SMC6: variants seen among roughly 807,000 people sequenced by gnomAD.
SMC6 encodes the protein structural maintenance of chromosomes protein 6.
A neutral mutation model predicts 142.2 loss-of-function variants in SMC6; 79 were observed. The observed-to-expected ratio is 0.56, with a 90% CI of 0.46 to 0.67. The LOEUF (loss-of-function observed/expected upper bound fraction) is 0.67, where lower values mean the gene tolerates loss of function less well. Ranked by LOEUF, SMC6 falls within the 30% of genes least tolerant of loss-of-function variation. The pLI, the probability that SMC6 is intolerant of heterozygous loss-of-function variation, is 0.00. For missense variants in SMC6, 1,072 were observed against 1,284.0 expected (o/e 0.83, Z 2.52); for synonymous variants, 411 against 412.4 (o/e 1.00, Z 0.04).
chr2:17,679,028 C>A (rs1667126750), intron 24 of SMC6, 64 bp from the exon 25 acceptor site: 1 of 1,116,426 alleles, frequency 9.0e-7, no homozygotes, highest in South Asian at 1.4e-5. Flanking sequence ...CTATATTCAG[C>A]ATGATCTAAG....
At chr2:17,725,702 T>C (rs1669581726) in intron 8 of SMC6, among the ~76,000 whole-genome samples, 1 of 152,188 alleles carries the variant, frequency 6.6e-6, no homozygotes, top group Non-Finnish European at 1.5e-5. Flanking sequence ...ACATCTTAAA[T>C]TTTTAGAGTA....
At chr2:17,716,927 T>C (rs1223790736) in intron 13 of SMC6, 22 bp from the exon 14 acceptor site, 1 of 1,583,160 alleles carries the variant, frequency 6.3e-7, no homozygotes, top group East Asian at 2.2e-5. Flanking sequence ...TAACCCAAAG[T>C]GAAAAATGTT....
intron 25 of SMC6, among the ~76,000 whole-genome samples, chr2:17,672,917 A>G (rs1438133613): frequency 6.6e-6 from 1 of 152,182 alleles, no homozygotes; most frequent in Non-Finnish European, 1.5e-5. Flanking sequence ...TATCTGTTTG[A>G]GAAAATAAGC....
At chr2:17,709,809 T>C (rs1668732958) in intron 16 of SMC6, among the ~76,000 whole-genome samples, 1 of 152,126 alleles carries the variant, frequency 6.6e-6, no homozygotes, top group Admixed American at 6.5e-5. Context: ...ACTGGGCAGA[T>C]ACCTGAGGAA....
At chr2:17,679,266 C>T (rs1448854750) in intron 24 of SMC6, 1 of 221,974 alleles carries the variant, frequency 4.5e-6, no homozygotes, top group Non-Finnish European at 8.8e-6. Flanking sequence ...AGGAATGCAT[C>T]AGTCATTCAA....
At chr2:17,694,732 T>C (rs897820134) in intron 23 of SMC6, among the ~76,000 whole-genome samples, 4 of 151,308 alleles carry the variant, frequency 2.6e-5, no homozygotes, top group African/African-American at 9.8e-5. Flanking sequence ...GCTCTAATTA[T>C]CAAGAGCATC....
chr2:17,665,842 A>T lies in SMC6; in HGVS notation c.3162-229T>A, dbSNP rs570154811. Among the ~76,000 whole-genome samples, 34 of 152,348 alleles carry T rather than the reference A, an allele frequency of 2.2e-4. 1 individual carries two copies. The highest frequency in any genetic ancestry group is 6.8e-3 in the Middle Eastern group (2 of 294). The stretch of plus-strand genomic sequence containing the variant: ...CCCATGGGTTTTCAGTTTGGAGGAA[A>T]AGAAAATGAAAGAGATTTATATATC... On this transcript the variant is annotated intron_variant, in intron 27 of 27. Coordinates refer to ENST00000448223, the MANE Select transcript of SMC6 (RefSeq NM_001142286.2).
chr2:17,707,107 G>A (rs1243436503), intron 18 of SMC6, 112 bp downstream of exon 18: 21 of 791,768 alleles, frequency 2.7e-5, no homozygotes, highest in African/African-American at 3.6e-5. Context: ...CAAGCACTGA[G>A]ATAGATTACT....
chr2:17,722,678 T>G (rs971249803), intron 9 of SMC6, among the ~76,000 whole-genome samples: 1 of 152,210 alleles, frequency 6.6e-6, no homozygotes, highest in Non-Finnish European at 1.5e-5. Flanking sequence ...TGTCAATTCA[T>G]GTAGTGTCGG....
At chr2:17,666,720 T>C (rs1437079572) in intron 26 of SMC6, among the ~76,000 whole-genome samples, 2 of 151,992 alleles carry the variant, frequency 1.3e-5, no homozygotes, top group Non-Finnish European at 1.5e-5. Context: ...CAGTGGCTCA[T>C]GTTTGTAATC....
At chr2:17,670,333 G>A in intron 26 of SMC6, 90 bp downstream of exon 26, 1 of 1,322,190 alleles carries the variant, frequency 7.6e-7, no homozygotes, top group Non-Finnish European at 1.0e-6. Flanking sequence ...TCCTGTTAGG[G>A]GTAAAACTAA....
At position 17,727,832 on chromosome 2, in the gene SMC6, G is replaced by T. The variant is rs147346437; in HGVS notation, c.544-1363C>A. On this transcript the variant is annotated intron_variant, in intron 7 of 27. Coordinates refer to ENST00000448223, the MANE Select transcript of SMC6 (RefSeq NM_001142286.2). ...TGGTTAAAACATTTCTCTCAAGTAC[G>T]ATGTTGGGCCTCTCTTCAAGATAAT... Among the ~76,000 whole-genome samples the T allele has an allele frequency of 7.4e-4, 112 of 152,170 alleles. 1 individual carries two copies. The highest frequency in any genetic ancestry group is 2.6e-3 in the African/African-American group (108 of 41,502).
chr2:17,707,607 A>C (rs566485555), intron 17 of SMC6, among the ~76,000 whole-genome samples: 2 of 152,270 alleles, frequency 1.3e-5, no homozygotes, highest in East Asian at 3.9e-4. Flanking sequence ...ACAATGCTTC[A>C]TGACAAATTG....
intron 21 of SMC6, among the ~76,000 whole-genome samples, chr2:17,696,937 T>C (rs1407604475): frequency 1.3e-5 from 2 of 152,054 alleles, no homozygotes; most frequent in Admixed American, 6.6e-5. Context: ...ATGCATACTA[T>C]AATGCACGGC....
At position 17,688,241 on chromosome 2, in the gene SMC6, C is replaced by A. The variant is rs1043571003; in HGVS notation, c.2679-4478G>T. Among the ~76,000 whole-genome samples the A allele has an allele frequency of 4.6e-5, 7 of 151,104 alleles. No individual in the cohort carries two copies. The South Asian group carries it at 6.2e-4, about 13-fold the overall frequency. ...GAACCAGGGCTCTTTGGAGAAGTTACTGACTCCAAGGCTGGGTCAGGTATA... is the reference window on the plus strand; with the variant it reads ...GAACCAGGGCTCTTTGGAGAAGTTAATGACTCCAAGGCTGGGTCAGGTATA... On this transcript the variant is annotated intron_variant, in intron 23 of 27. Transcript: ENST00000448223.
chr2:17,672,969 T>G (rs1260736486), intron 25 of SMC6, among the ~76,000 whole-genome samples: 1 of 152,192 alleles, frequency 6.6e-6, no homozygotes, highest in Non-Finnish European at 1.5e-5. Context: ...TGGAGCTGCT[T>G]TAACAGACAT....
intron 12 of SMC6, 49 bp downstream of exon 12, chr2:17,718,028 A>G (rs757553673): frequency 1.9e-6 from 3 of 1,544,368 alleles, no homozygotes; most frequent in South Asian, 2.5e-5. Flanking sequence ...AACAGCCTTT[A>G]TATTTGCTGT....
In SMC6 at chr2:17,726,429, T is replaced by C. The variant is rs778211348; in HGVS notation, c.584A>G (p.Lys195Arg). Residue 195 changes from lysine (K) to arginine (R), a missense_variant, in exon 8 of 28, where the codon AAG (lysine) becomes AGG (arginine). This residue lies in a region of SMC6 where 994 missense variants were observed against 1,153.2 expected (regional missense o/e 0.86). Transcript: ENST00000448223. ...TTCATTTTTAGACTGTAAGAACTGC[T>C]TGCTCATTTCTTGTGTTAAAACAGA... ...PVSVLTQEMSKQFLQSKNEGD... is the reference protein window; with the variant it reads ...PVSVLTQEMSRQFLQSKNEGD... 8 of 1,612,218 alleles carry C rather than the reference T, an allele frequency of 5.0e-6. No individual in the cohort carries two copies. The highest frequency in any genetic ancestry group is 4.2e-6 in the Non-Finnish European group (5 of 1,179,508).
At chr2:17,700,798 G>A (rs1019044041) in intron 20 of SMC6, among the ~76,000 whole-genome samples, 1 of 151,998 alleles carries the variant, frequency 6.6e-6, no homozygotes, top group Non-Finnish European at 1.5e-5. Context: ...TTGGGAGGCC[G>A]ACACGGGTGG....
Sources: allele counts gnomAD v4.1 joint callset (sites outside exome capture counted in the v4.1 genomes callset), GRCh38; gene constraint gnomAD v4.1.1; regional missense constraint gnomAD v4.1.1; transcripts MANE v1.5; gene names NCBI Gene and HGNC (gene_info 2026-07-23, HGNC 2026-07-21).